ABCC9: variants seen among roughly 807,000 people sequenced by gnomAD.
The protein encoded by ABCC9 is ATP binding cassette subfamily C member 9, also known as ATP-binding cassette sub-family C member 9.
Under a neutral mutation model 188.3 loss-of-function variants are expected in ABCC9, and 95 were observed. The observed-to-expected ratio is 0.50, with a 90% CI of 0.43 to 0.60. The LOEUF (loss-of-function observed/expected upper bound fraction) is 0.60, where lower values mean the gene tolerates loss of function less well. Ranked by LOEUF, ABCC9 falls within the 20% of genes least tolerant of loss-of-function variation. ABCC9 has a pLI of 0.00. For synonymous variants in ABCC9, 659 were observed against 652.7 expected, an observed-to-expected ratio of 1.01 and a Z score of -0.15; for missense variants, 1,102 against 1,876.3, an observed-to-expected ratio of 0.59 and a Z score of 7.62.
At chr12:21,909,465 G>A (rs910850225) in intron 10 of ABCC9, among the ~76,000 whole-genome samples, 2 of 151,850 alleles carry the variant, frequency 1.3e-5, no homozygotes, top group African/African-American at 4.8e-5. Flanking sequence ...AAAATGTCCA[G>A]TTTATACAGA....
intron 18 of ABCC9, among the ~76,000 whole-genome samples, 165 bp downstream of exon 18, chr12:21,872,460 T>C (rs905370639): frequency 3.9e-5 from 6 of 152,210 alleles, no homozygotes; most frequent in African/African-American, 1.4e-4. Flanking sequence ...TTGTAACTTT[T>C]TATTTATGAC....
At chr12:21,862,556 G>A (rs1272782733) in intron 20 of ABCC9, among the ~76,000 whole-genome samples, 2 of 150,060 alleles carry the variant, frequency 1.3e-5, no homozygotes, top group Non-Finnish European at 3.0e-5. Context: ...GCTGTTCCCA[G>A]TCACCAGACC....
At chr12:21,893,886 T>C (rs1381492971) in intron 14 of ABCC9, 146 bp downstream of exon 14, 5 of 833,350 alleles carry the variant, frequency 6.0e-6, no homozygotes, top group Non-Finnish European at 8.9e-6. Flanking sequence ...AATAAAAGAC[T>C]GAAAAGTAGC....
intron 30 of ABCC9, among the ~76,000 whole-genome samples, chr12:21,832,005 G>C (rs997599913): frequency 6.6e-6 from 1 of 152,206 alleles, no homozygotes; most frequent in African/African-American, 2.4e-5. Context: ...GTCTGAGGCA[G>C]CAGTGAGAGG....
intron 7 of ABCC9, among the ~76,000 whole-genome samples, chr12:21,914,467 GC>G (rs1193228180): frequency 2.0e-5 from 3 of 152,098 alleles, no homozygotes; most frequent in African/African-American, 7.2e-5. Flanking sequence ...GGAAGACAAT[GC>G]CCTTTTATTT....
At position 21,908,127 on chromosome 12, in the gene ABCC9, T is replaced by C. The variant is rs1046188559; in HGVS notation, c.1405A>G (p.Ile469Val). 7 of 1,612,576 alleles carry C rather than the reference T, an allele frequency of 4.3e-6. No homozygotes were observed. Among genetic ancestry groups the C allele is most frequent in the Non-Finnish European group, 5.9e-6 (7 of 1,179,102 alleles). The change falls in exon 11 of 40, where the codon ATT becomes GTT. Residue 469 changes from isoleucine (I) to valine (V), a missense_variant. Transcript: ENST00000261200. ...GAAVIVLLAPIQYFIATKLAE... is the reference protein window; with the variant it reads ...GAAVIVLLAPVQYFIATKLAE... ...AACTTTGTAGCAATAAAGTACTGAA[T>C]TGGCGCAAGGAGCACAATGACAGCT... is the stretch of plus-strand genomic sequence containing the variant.
intron 12 of ABCC9, among the ~76,000 whole-genome samples, chr12:21,897,564 A>T (rs1947487667): frequency 6.6e-6 from 1 of 152,226 alleles, no homozygotes; most frequent in Non-Finnish European, 1.5e-5. Context: ...TATTATTAAT[A>T]GCTCATGTTA....
At chr12:21,923,491 A>C (rs1011601970) in intron 5 of ABCC9, 2 of 212,586 alleles carry the variant, frequency 9.4e-6, no homozygotes, top group Non-Finnish European at 1.9e-5. Flanking sequence ...GAATAGCCAC[A>C]TCCCAAAGAT....
chr12:21,801,548 T>C (rs1339757412), intron 39 of ABCC9, among the ~76,000 whole-genome samples: 2 of 152,172 alleles, frequency 1.3e-5, no homozygotes, highest in East Asian at 3.8e-4. Flanking sequence ...ACAATAATTA[T>C]CTCTTGTGTA....
intron 12 of ABCC9, among the ~76,000 whole-genome samples, chr12:21,895,651 C>G (rs1947366104): frequency 6.6e-6 from 1 of 152,168 alleles, no homozygotes; most frequent in South Asian, 2.1e-4. Context: ...GGGTTACAGT[C>G]TATCTTTTGT....
chr12:21,926,310 A>G (rs1378217808), intron 4 of ABCC9, among the ~76,000 whole-genome samples: 1 of 152,228 alleles, frequency 6.6e-6, no homozygotes, highest in Non-Finnish European at 1.5e-5. Context: ...TTACAAAGAA[A>G]CAAATGTATA....
chr12:21,800,373 CTT>C lies in ABCC9; in HGVS notation c.*669_*670del, dbSNP rs896952307. The C allele has an allele frequency of 6.6e-6, 1 of 152,202 alleles. No homozygotes were observed. Among genetic ancestry groups the C allele is most frequent in the Non-Finnish European group, 1.5e-5 (1 of 68,072 alleles). 9.4% of individuals were successfully genotyped at this position (152,202 alleles called of 1,614,324 possible). On this transcript the variant is annotated 3_prime_UTR_variant, in exon 40 of 40. Coordinates refer to ENST00000261200, the MANE Select transcript of ABCC9 (RefSeq NM_020297.4). ...ATGCCTGATATCTTAAGAATTCTCT[CTT>C]TACAGGACAGGAAAAAATGAAAATT... is the stretch of plus-strand genomic sequence containing the variant.
intron 14 of ABCC9, among the ~76,000 whole-genome samples, chr12:21,890,311 T>C (rs1026093824): frequency 6.6e-6 from 1 of 152,120 alleles, no homozygotes; most frequent in African/African-American, 2.4e-5. Flanking sequence ...TAGCATCGTC[T>C]AAAAGCTGCT....
At chr12:21,842,620 A>C (rs934101940) in intron 28 of ABCC9, 149 bp from the exon 29 acceptor site, 8 of 780,124 alleles carry the variant, frequency 1.0e-5, no homozygotes, top group Non-Finnish European at 8.8e-6. Flanking sequence ...TTCTTCACTC[A>C]CTTCCCATAG....
rs889050024 is a variant in ABCC9 at position 21,939,186 on chromosome 12, C to T, written c.-21+1524G>A. ...AAACGCTTTAGAACGATTTTTCTGT[C>T]TGCCATAAACTCTAACTTCACATTT... On this transcript the variant is annotated intron_variant, in intron 2 of 39. Transcript: ENST00000261200. Among the ~76,000 whole-genome samples, 7 of 152,144 alleles carry T rather than the reference C, an allele frequency of 4.6e-5. No individual in the cohort carries two copies. In the East Asian group the frequency reaches 7.7e-4, roughly 17 times the overall value.
chr12:21,902,069 TAAAA>T (rs1368150495), intron 12 of ABCC9, among the ~76,000 whole-genome samples: 1 of 152,154 alleles, frequency 6.6e-6, no homozygotes, highest in Non-Finnish European at 1.5e-5. Context: ...TCAGCAAATG[TAAAA>T]GAACAGAAAT....
intron 15 of ABCC9, among the ~76,000 whole-genome samples, chr12:21,886,711 C>T (rs1392451042): frequency 6.6e-6 from 1 of 152,060 alleles, no homozygotes; most frequent in East Asian, 1.9e-4. Flanking sequence ...TACGAGGGCC[C>T]TCAATCATTG....
chr12:21,864,327 C>A (rs1945677257), intron 19 of ABCC9, 112 bp downstream of exon 19: 1 of 830,374 alleles, frequency 1.2e-6, no homozygotes. Flanking sequence ...TATGCTAGCA[C>A]ACTTTAATAA....
intron 4 of ABCC9, among the ~76,000 whole-genome samples, chr12:21,929,361 CT>C (rs1949182528): frequency 6.6e-6 from 1 of 151,460 alleles, no homozygotes; most frequent in African/African-American, 2.4e-5. Context: ...ATTCCTAAAC[CT>C]AGGAGAGTAA....
Sources: allele counts gnomAD v4.1 joint callset (sites outside exome capture counted in the v4.1 genomes callset), GRCh38; gene constraint gnomAD v4.1.1; transcripts MANE v1.5; gene names NCBI Gene and HGNC (gene_info 2026-07-23, HGNC 2026-07-21).